CDC25C: variants seen among roughly 807,000 people sequenced by gnomAD.
CDC25C encodes the protein M-phase inducer phosphatase 3.
A neutral mutation model predicts 52.5 loss-of-function variants in CDC25C; 48 were observed. That is an observed-to-expected ratio of 0.91 (90% CI 0.72 to 1.16). CDC25C has a LOEUF of 1.16. Ranked by LOEUF, CDC25C falls within the 50% of genes most tolerant of loss-of-function variation. CDC25C has a pLI of 0.00. For synonymous variants in CDC25C, 187 were observed against 206.5 expected, an observed-to-expected ratio of 0.91 and a Z score of 0.81; for missense variants, 510 against 566.1, an observed-to-expected ratio of 0.90 and a Z score of 1.01.
rs780168277 is a variant in CDC25C at position 138,292,109 on chromosome 5, C to A, written c.623G>T (p.Arg208Ile). The change falls in exon 8 of 14, where the codon AGA becomes ATA. Residue 208 changes from arginine (R) to isoleucine (I), a missense_variant. By Grantham distance (97) the Arg-to-Ile change is moderately conservative. Transcript: ENST00000323760. The part of the protein sequence containing the change: ...SLKDQEAKVS[R>I]SGLYRSPSMP... ...CGACGGGGAGCGATATAGGCCACTT[C>A]TGCTCACCTGTTTGGGAATATTAAA... 1 of 1,611,428 alleles carries A rather than the reference C, an allele frequency of 6.2e-7. No homozygotes were observed. The highest frequency in any genetic ancestry group is 8.5e-7 in the Non-Finnish European group (1 of 1,178,790).
intron 10 of CDC25C, among the ~76,000 whole-genome samples, chr5:138,288,514 T>C (rs928979677): frequency 6.6e-6 from 1 of 152,036 alleles, no homozygotes. Flanking sequence ...CTGACCAACA[T>C]AGTAAAACCC....
Position 138,325,748 on chromosome 5 carries a change from T to C in CDC25C, c.459+67A>G, listed in dbSNP as rs1341526852. ...GTATAAACAGTTCTATGTCTCATTA[T>C]GATACCAAGTTTCTTCACTCAAAAA... On this transcript the variant is annotated intron_variant, in intron 6 of 13. Transcript: ENST00000323760. 5.5e-6 allele frequency: 6 copies of C among 1,090,942 alleles called. No homozygotes were observed. In the Admixed American group the frequency reaches 8.7e-5, roughly 16 times the overall value. The allele number at this position is 1,090,942 out of a possible 1,614,324, so 67.6% of individuals were successfully genotyped here. A position where few individuals can be genotyped will look rare whatever the true frequency, so the allele number is the denominator to read the frequency against.
chr5:138,324,359 T>A (rs545276321), intron 6 of CDC25C, among the ~76,000 whole-genome samples: 1 of 152,014 alleles, frequency 6.6e-6, no homozygotes, highest in Non-Finnish European at 1.5e-5. Context: ...TAGAAATGAA[T>A]CGGAGAAAGT....
rs778984587 is a variant in CDC25C, at chr5:138,292,123, G to C, written c.616-7C>G. On this transcript the variant is annotated splice_region_variant and splice_polypyrimidine_tract_variant and intron_variant, in intron 7 of 13. Coordinates refer to ENST00000323760, the MANE Select transcript of CDC25C (RefSeq NM_001790.5). ...ATAGGCCACTTCTGCTCACCTGTTT[G>C]GGAATATTAAACCCCCTAGTTCTTA... The C allele has an allele frequency of 1.6e-5, 25 of 1,608,576 alleles. No individual in the cohort carries two copies. The highest frequency in any genetic ancestry group is 2.1e-5 in the Non-Finnish European group (25 of 1,177,336).
chr5:138,317,682 T>TAAAAAAAAAAAAAA (rs70982706), intron 7 of CDC25C, among the ~76,000 whole-genome samples: 1 of 54,264 alleles, frequency 1.8e-5, no homozygotes, highest in Non-Finnish European at 3.1e-5. Context: ...CCTGTCTATC[T>TAAAAAAAAAAAAAA]AAAAAAAAAA....
At chr5:138,289,448 G>C (rs1436138573) in intron 10 of CDC25C, 53 bp downstream of exon 10, 2 of 1,293,756 alleles carry the variant, frequency 1.5e-6, no homozygotes, top group East Asian at 4.6e-5. Context: ...AGGGACAGAA[G>C]AGACCAGATG....
chr5:138,332,246 T>G (rs1367082998), upstream of CDC25C: 1 of 152,260 alleles, frequency 6.6e-6, no homozygotes, highest in Non-Finnish European at 1.5e-5. Context: ...TTTCTTCGCT[T>G]CTTTCTCGTG....
chr5:138,327,121 G>A (rs569531141), intron 4 of CDC25C, among the ~76,000 whole-genome samples: 5 of 151,416 alleles, frequency 3.3e-5, no homozygotes, highest in Admixed American at 2.0e-4. Flanking sequence ...TGGGCGTCGT[G>A]GCATGTGCCT....
rs1048491347 is a variant in CDC25C, at chr5:138,316,935, G to A, written c.615+2284C>T. ...AACCCTCTACTTGTCTGCTTACCTC[G>A]ACGCAGGACAACAACTCAGGCAAAG... On this transcript the variant is annotated intron_variant, in intron 7 of 13. Coordinates refer to ENST00000323760, the MANE Select transcript of CDC25C (RefSeq NM_001790.5). 2.0e-5 allele frequency among the ~76,000 whole-genome samples: 3 copies of A among 152,206 alleles called. No individual in the cohort carries two copies. The South Asian group carries it at 6.2e-4, about 32-fold the overall frequency.
chr5:138,325,836 A>G lies in CDC25C; in HGVS notation c.438T>C (p.Ser146=). Residue 146 remains serine, a synonymous_variant, in exon 6 of 14, where the codon AGT becomes AGC. Coordinates refer to ENST00000323760, the MANE Select transcript of CDC25C (RefSeq NM_001790.5). ...RGHRKRDAMC[S]SSANKENDNG... The stretch of plus-strand genomic sequence containing the variant: ...TCACATTTTCTTTATTTGCAGATGA[A>G]CTACACATTGCATCTCTCTTTCTAT... The G allele has an allele frequency of 6.2e-7, 1 of 1,612,998 alleles. No individual in the cohort carries two copies. Among genetic ancestry groups the G allele is most frequent in the Non-Finnish European group, 8.5e-7 (1 of 1,178,992 alleles).
intron 7 of CDC25C, among the ~76,000 whole-genome samples, chr5:138,296,495 CT>C (rs1757192191): frequency 6.6e-6 from 1 of 152,150 alleles, no homozygotes; most frequent in South Asian, 2.1e-4. Context: ...ACTGCAACCT[CT>C]GCCTGCTAGG....
intron 7 of CDC25C, among the ~76,000 whole-genome samples, chr5:138,296,380 C>T (rs1250280735): frequency 2.0e-5 from 3 of 151,840 alleles, no homozygotes; most frequent in Non-Finnish European, 4.4e-5. Context: ...GGATTACAGG[C>T]GTGCACCACC....
At position 138,285,416 on chromosome 5, in the gene CDC25C, G is replaced by GTGTA; in HGVS notation, c.*275_*276insTACA. 2.7e-6 allele frequency: 1 copy of GTGTA among 373,440 alleles called. No homozygotes were observed. 23.1% of individuals were successfully genotyped at this position (373,440 alleles called of 1,614,324 possible). A position where few individuals can be genotyped will look rare whatever the true frequency, so the allele number is the denominator to read the frequency against. On this transcript the variant is annotated 3_prime_UTR_variant, in exon 14 of 14. Coordinates refer to ENST00000323760, the MANE Select transcript of CDC25C (RefSeq NM_001790.5). ...TTGGCTGGCTTGTGAGAAGACATGA[G>GTGTA]GAGTTGGGAAAAGGAATGCCAGAGT...
intron 6 of CDC25C, among the ~76,000 whole-genome samples, chr5:138,325,199 T>A (rs1390799018): frequency 6.6e-6 from 1 of 152,162 alleles, no homozygotes; most frequent in Non-Finnish European, 1.5e-5. Flanking sequence ...AGAGCAGCTA[T>A]CTTTTATGGT....
chr5:138,286,207 G>A (rs1294611864), intron 12 of CDC25C, 74 bp from the exon 13 acceptor site: 15 of 1,144,330 alleles, frequency 1.3e-5, no homozygotes, highest in African/African-American at 3.1e-5. Flanking sequence ...TCACTGGGGA[G>A]GGGGGAGAGG....
At chr5:138,293,082 G>A (rs1205144001) in intron 7 of CDC25C, among the ~76,000 whole-genome samples, 2 of 152,150 alleles carry the variant, frequency 1.3e-5, no homozygotes, top group Non-Finnish European at 2.9e-5. Context: ...TGACAGCTAT[G>A]GATATTATGT....
At chr5:138,304,602 C>T (rs768853774) in intron 7 of CDC25C, among the ~76,000 whole-genome samples, 5 of 151,580 alleles carry the variant, frequency 3.3e-5, no homozygotes, top group Non-Finnish European at 7.4e-5. Context: ...ACCTCCTGGG[C>T]TCAAGCAATC....
intron 7 of CDC25C, among the ~76,000 whole-genome samples, chr5:138,315,908 C>T (rs1432598280): frequency 6.6e-6 from 1 of 152,214 alleles, no homozygotes; most frequent in Non-Finnish European, 1.5e-5. Flanking sequence ...ATGGAGCTAG[C>T]GGGAGCCCTT....
chr5:138,327,594 A>G (rs1452041407), intron 4 of CDC25C, among the ~76,000 whole-genome samples: 2 of 152,012 alleles, frequency 1.3e-5, no homozygotes, highest in Admixed American at 1.3e-4. Context: ...TCAAGATGGC[A>G]CCACTGCACT....
Sources: allele counts gnomAD v4.1 joint callset (sites outside exome capture counted in the v4.1 genomes callset), GRCh38; gene constraint gnomAD v4.1.1; transcripts MANE v1.5; gene names NCBI Gene and HGNC (gene_info 2026-07-23, HGNC 2026-07-21).